The following TDRD9 variants were observed in gnomAD, a reference collection of about 807,000 sequenced individuals.
TDRD9 encodes the protein ATP-dependent RNA helicase TDRD9.
TDRD9 carries 124 observed loss-of-function variants against 172.6 expected under a neutral mutation model. The observed-to-expected ratio is 0.72, with a 90% confidence interval of 0.62 to 0.83. The LOEUF is 0.83. Ranked by LOEUF, TDRD9 falls within the 40% of genes least tolerant of loss-of-function variation. The pLI, the probability that TDRD9 is intolerant of heterozygous loss-of-function variation, is 0.00. For synonymous variants in TDRD9, 619 were observed against 617.1 expected (o/e 1.00, Z -0.05); for missense variants, 1,479 against 1,714.1 (o/e 0.86, Z 2.42).
chr14:104,032,558 A>G (rs1349395658), intron 30 of TDRD9, among the ~76,000 whole-genome samples: 1 of 152,198 alleles, frequency 6.6e-6, no homozygotes, highest in African/African-American at 2.4e-5. Flanking sequence ...GATTTGAGGT[A>G]GTCTCTCTCT....
At chr14:104,001,288 T>G (rs998184694) in intron 13 of TDRD9, among the ~76,000 whole-genome samples, 1 of 152,266 alleles carries the variant, frequency 6.6e-6, no homozygotes. Flanking sequence ...AGCTTCGTAA[T>G]TTCCGGGATG....
At chr14:104,020,688 G>A (rs975566331) in intron 23 of TDRD9, among the ~76,000 whole-genome samples, 2 of 152,110 alleles carry the variant, frequency 1.3e-5, no homozygotes, top group Non-Finnish European at 2.9e-5. Flanking sequence ...TCCCCTGCTG[G>A]GCGTCTTTCC....
intron 3 of TDRD9, among the ~76,000 whole-genome samples, chr14:103,964,525 GTTTT>G (rs2032650617): frequency 6.6e-6 from 1 of 151,608 alleles, no homozygotes; most frequent in Non-Finnish European, 1.5e-5. Flanking sequence ...TGTTGTTTTT[GTTTT>G]TTTGTTTGTT....
intron 1 of TDRD9, among the ~76,000 whole-genome samples, chr14:103,952,210 ATATATATATATTTTTTTTTTTTTTTTTT>A: frequency 1.4e-5 from 1 of 72,656 alleles, no homozygotes. Flanking sequence ...ATATATATAT[ATATATATATATTTTTTTTTTTTTTTTTT>A]TTTTTTTTTT....
At chr14:104,022,120 T>C (rs1184621620) in intron 23 of TDRD9, 37 bp from the exon 24 acceptor site, 1 of 1,517,618 alleles carries the variant, frequency 6.6e-7, no homozygotes, top group Non-Finnish European at 8.9e-7. Flanking sequence ...AACAGATGCC[T>C]GATAAATTTA....
chr14:104,022,245 G>A lies in TDRD9; in HGVS notation c.2521G>A (p.Val841Ile). ...GGCAATTAAGATGTCTCAACTAAAA[G>A]TTTCACTTGAACTCAGCGTTCATTC... is the stretch of plus-strand genomic sequence containing the variant. ...YMAIKMSQLKVSLELSVHSAE... is the reference protein window; with the variant it reads ...YMAIKMSQLKISLELSVHSAE... The change falls in exon 24 of 36, where the codon GTT becomes ATT. Residue 841 changes from valine (V) to isoleucine (I), a missense_variant. Transcript: ENST00000409874. The A allele has an allele frequency of 6.2e-7, 1 of 1,611,612 alleles. No individual in the cohort carries two copies. The highest frequency in any genetic ancestry group is 8.5e-7 in the Non-Finnish European group (1 of 1,178,910).
rs568198194 is a variant in TDRD9 at position 103,997,493 on chromosome 14, C to T, written c.1379-1131C>T. On this transcript the variant is annotated intron_variant, in intron 12 of 35. Transcript: ENST00000409874. This position sits in a 1 kb window ranked among gnomAD's most constrained non-coding sequence, Gnocchi z 5.1. ...GTGGGGCAGGTGAGGAGCTGGGATT[C>T]GGGCTGAGACGTGCTAGATGTTCAG... 7.5e-4 allele frequency among the ~76,000 whole-genome samples: 114 copies of T among 152,244 alleles called. 2 individuals carry two copies. In the South Asian group the frequency reaches 0.023, roughly 30 times the overall value.
chr14:103,930,373 G>A (rs2030300493), intron 1 of TDRD9, among the ~76,000 whole-genome samples: 1 of 152,154 alleles, frequency 6.6e-6, no homozygotes. Context: ...TTTTAGTAGA[G>A]ACAGCATTTC....
intron 18 of TDRD9, 72 bp from the exon 19 acceptor site, chr14:104,007,088 G>T (rs1237589997): frequency 1.4e-6 from 2 of 1,415,404 alleles, no homozygotes; most frequent in Non-Finnish European, 1.9e-6. Flanking sequence ...TTTCAGGTTT[G>T]TTGAAATTGT....
chr14:104,033,883 G>T, intron 30 of TDRD9, 77 bp from the exon 31 acceptor site: 2 of 853,620 alleles, frequency 2.3e-6, no homozygotes, highest in Middle Eastern at 2.5e-4. Context: ...TTTGAAATGG[G>T]TTGCTTGTGG....
In TDRD9 at chr14:103,998,552, T is replaced by G. The variant is rs985776170; in HGVS notation, c.1379-72T>G. On this transcript the variant is annotated intron_variant, in intron 12 of 35. Transcript: ENST00000409874. ...TGCATGTTTCAAATGGCTTTATCAC[T>G]ATGCATTGTGATTTATTATGCAATG... The G allele has an allele frequency of 1.2e-5, 10 of 866,538 alleles. No homozygotes were observed. In the African/African-American group the frequency reaches 1.7e-4, roughly 15 times the overall value. 53.7% of individuals were successfully genotyped at this position (866,538 alleles called of 1,614,324 possible).
intron 8 of TDRD9, among the ~76,000 whole-genome samples, chr14:103,988,326 G>A (rs780279177): frequency 5.9e-5 from 9 of 151,912 alleles, no homozygotes; most frequent in Admixed American, 1.3e-4. Context: ...GGCATGTGTC[G>A]CCATGTCCAG....
chr14:104,006,804 A>T lies in TDRD9; in HGVS notation c.1966A>T (p.Ser656Cys). The T allele has an allele frequency of 6.2e-7, 1 of 1,613,582 alleles. No homozygotes were observed. The highest frequency in any genetic ancestry group is 8.5e-7 in the Non-Finnish European group (1 of 1,179,658). The change falls in exon 18 of 36, where the codon AGT (serine) becomes TGT (cysteine). Residue 656 changes from serine (S) to cysteine (C), a missense_variant. Physicochemically the swap from Ser to Cys is moderately radical, Grantham distance 112. Around this residue, in one of 3 missense-constraint regions of TDRD9, gnomAD observed 1,413 missense variants for 1,649.1 expected, o/e 0.86. Coordinates refer to ENST00000409874, the MANE Select transcript of TDRD9 (RefSeq NM_153046.3). ...GYRNKVNFSG[S>C]SKSDCIALVE... ...TAGGAACAAAGTGAATTTCTCTGGC[A>T]GTAGCAAGAGTGACTGTATTGCACT...
intron 1 of TDRD9, among the ~76,000 whole-genome samples, chr14:103,932,379 A>G (rs34204620): frequency 6.6e-6 from 1 of 152,238 alleles, no homozygotes; most frequent in African/African-American, 2.4e-5. Context: ...CATTTGACAT[A>G]GGGGAGGGAT....
chr14:103,937,332 C>T (rs2030834141), intron 1 of TDRD9, among the ~76,000 whole-genome samples: 1 of 152,178 alleles, frequency 6.6e-6, no homozygotes, highest in African/African-American at 2.4e-5. Flanking sequence ...CACCTTGCAG[C>T]TTCCACACTG....
chr14:104,025,643 T>C lies in TDRD9; in HGVS notation c.2798T>C (p.Ile933Thr). The C allele has an allele frequency of 6.2e-7, 1 of 1,614,050 alleles. No individual in the cohort carries two copies. The highest frequency in any genetic ancestry group is 8.5e-7 in the Non-Finnish European group (1 of 1,179,896). Residue 933 changes from isoleucine to threonine, a missense_variant, in exon 26 of 36, where the codon ATC becomes ACC. Coordinates refer to ENST00000409874, the MANE Select transcript of TDRD9 (RefSeq NM_153046.3). ...ATTCTGAAAAAGCTTACTGCTGAAA[T>C]CAACCAACTGACGCTGGTGCCCTTG... ...SEILKKLTAE[I>T]NQLTLVPLPT...
At chr14:103,996,727 C>T (rs190979970) in intron 12 of TDRD9, among the ~76,000 whole-genome samples, 9 of 152,246 alleles carry the variant, frequency 5.9e-5, no homozygotes, top group African/African-American at 1.7e-4. Flanking sequence ...AGCCTTTGTT[C>T]TCATGACACA....
At chr14:103,968,211 C>T (rs1483293535) in intron 5 of TDRD9, among the ~76,000 whole-genome samples, 1 of 152,242 alleles carries the variant, frequency 6.6e-6, no homozygotes, top group Non-Finnish European at 1.5e-5. Flanking sequence ...AGAGCTTGCC[C>T]TACTGGGGAG....
chr14:103,953,853 G>C (rs1287422464), intron 1 of TDRD9, among the ~76,000 whole-genome samples: 1 of 152,112 alleles, frequency 6.6e-6, no homozygotes, highest in Non-Finnish European at 1.5e-5. Flanking sequence ...CAGTGGACTC[G>C]GTAATGCCCA....
Sources: allele counts gnomAD v4.1 joint callset (sites outside exome capture counted in the v4.1 genomes callset), GRCh38; gene constraint gnomAD v4.1.1; regional missense constraint gnomAD v4.1.1; non-coding constraint Gnocchi (gnomAD v3.1); transcripts MANE v1.5; gene names NCBI Gene and HGNC (gene_info 2026-07-23, HGNC 2026-07-21).